The following U2AF2 variants were observed in gnomAD, a reference collection of about 807,000 sequenced individuals.
U2AF2 encodes splicing factor U2AF 65 kDa subunit.
A neutral mutation model predicts 52.6 loss-of-function variants in U2AF2; 6 were observed. That is an observed-to-expected ratio of 0.11 (90% CI 0.06 to 0.23). The LOEUF (loss-of-function observed/expected upper bound fraction) is 0.23, where lower values mean the gene tolerates loss of function less well. Among genes scored for constraint, U2AF2 ranks in the 10% least tolerant of loss-of-function variants. The probability of loss-of-function intolerance (pLI) is 1.00; values close to 1 mark genes in which losing one functional copy is unlikely to be tolerated. For synonymous variants in U2AF2, 284 were observed against 258.2 expected, an observed-to-expected ratio of 1.10 and a Z score of -0.96; for missense variants, 222 against 677.1, an observed-to-expected ratio of 0.33 and a Z score of 7.46.
intron 1 of U2AF2, among the ~76,000 whole-genome samples, chr19:55,657,221 G>A (rs926024237): frequency 1.3e-5 from 2 of 152,204 alleles, no homozygotes; most frequent in South Asian, 2.1e-4. Context: ...CTGGGTTGGC[G>A]GAGCTGCTCC....
chr19:55,663,310 A>C (rs1181203597), intron 6 of U2AF2, among the ~76,000 whole-genome samples: 1 of 151,542 alleles, frequency 6.6e-6, no homozygotes, highest in Non-Finnish European at 1.5e-5. Context: ...CGTTCAACTA[A>C]CCTTTCCCGT....
At chr19:55,658,987 TTAC>T (rs1310308013) in intron 1 of U2AF2, 4 of 561,406 alleles carry the variant, frequency 7.1e-6, no homozygotes, top group Non-Finnish European at 1.1e-5. Flanking sequence ...CTCAGGTATC[TTAC>T]ACCCCGGGGG....
chr19:55,655,568 A>G (rs762396025), intron 1 of U2AF2, among the ~76,000 whole-genome samples: 9 of 152,244 alleles, frequency 5.9e-5, no homozygotes, highest in Non-Finnish European at 1.2e-4. Context: ...GGTCGGGCCC[A>G]CGGCAGCGTC....
In U2AF2 at chr19:55,668,469, G is replaced by C; in HGVS notation, c.743-38G>C. 6.5e-7 allele frequency: 1 copy of C among 1,534,458 alleles called. No individual in the cohort carries two copies. The highest frequency in any genetic ancestry group is 8.8e-7 in the Non-Finnish European group (1 of 1,134,534). The stretch of plus-strand genomic sequence containing the variant: ...CTGTCCAGGTTTTGGGAGATAACCT[G>C]GTACTGGAATTGAAGTCCTCCTCTT... On this transcript the variant is annotated intron_variant, in intron 7 of 11. Transcript: ENST00000308924. This position sits in a 1 kb window ranked among gnomAD's most constrained non-coding sequence, Gnocchi z 5.5.
intron 1 of U2AF2, chr19:55,658,938 CCT>C (rs1983972808): frequency 2.5e-6 from 1 of 393,110 alleles, no homozygotes; most frequent in Non-Finnish European, 4.3e-6. Context: ...GAGCCAGCCT[CCT>C]CTGTCTTCTC....
intron 1 of U2AF2, among the ~76,000 whole-genome samples, chr19:55,657,941 A>G (rs959857996): frequency 2.5e-4 from 38 of 152,204 alleles, no homozygotes; most frequent in Admixed American, 1.2e-3. Context: ...AAACAAAACA[A>G]TTTAGTACAG....
At chr19:55,663,077 C>T (rs916763603) in intron 6 of U2AF2, among the ~76,000 whole-genome samples, 2 of 152,110 alleles carry the variant, frequency 1.3e-5, no homozygotes, top group African/African-American at 2.4e-5. Flanking sequence ...TGATTTTCGA[C>T]TCTTGGTGGA....
intron 6 of U2AF2, 47 bp downstream of exon 6, chr19:55,662,665 G>A (rs945497695): frequency 3.2e-6 from 5 of 1,541,202 alleles, no homozygotes. Flanking sequence ...TGTGATGTGA[G>A]GGCCCAGCCC....
At chr19:55,673,573 G>A (rs1322163642) in intron 11 of U2AF2, among the ~76,000 whole-genome samples, 1 of 152,140 alleles carries the variant, frequency 6.6e-6, no homozygotes, top group Non-Finnish European at 1.5e-5. Context: ...TGTTGGGGTG[G>A]TTCTGGGAGC....
intron 6 of U2AF2, among the ~76,000 whole-genome samples, chr19:55,663,025 T>C (rs879634791): frequency 2.6e-5 from 4 of 152,280 alleles, no homozygotes; most frequent in African/African-American, 4.8e-5. Context: ...ACTAGTCTTC[T>C]GTGTCTGTGT....
At chr19:55,656,514 CTGA>C (rs1983807069) in intron 1 of U2AF2, among the ~76,000 whole-genome samples, 1 of 152,110 alleles carries the variant, frequency 6.6e-6, no homozygotes, top group Non-Finnish European at 1.5e-5. Context: ...CATTTGTAGA[CTGA>C]TTATTATTTT....
rs1985147006 is a variant in U2AF2, at chr19:55,674,291, CAG to C, written c.*225_*226del. ...TGGGGAAGTGCGCACACAGCCCACA[CAG>C]ACAACACGCACCCACACAGACACAG... On this transcript the variant is annotated 3_prime_UTR_variant, in exon 12 of 12. Transcript: ENST00000308924. The C allele has an allele frequency of 1.9e-6, 1 of 531,268 alleles. No individual in the cohort carries two copies. Among genetic ancestry groups the C allele is most frequent in the African/African-American group, 1.9e-5 (1 of 52,018 alleles). The allele number at this position is 531,268 out of a possible 1,614,324, so 32.9% of individuals were successfully genotyped here. A position where few individuals can be genotyped will look rare whatever the true frequency, so the allele number is the denominator to read the frequency against.
At chr19:55,663,883 T>C in intron 7 of U2AF2, 139 bp downstream of exon 7, 1 of 1,276,934 alleles carries the variant, frequency 7.8e-7, no homozygotes, top group Admixed American at 2.3e-5. Flanking sequence ...CTGCTTCCCC[T>C]AAGTCTCTGT....
chr19:55,674,399 T>C lies in U2AF2; in HGVS notation c.*331T>C, dbSNP rs1985158912. 2 of 261,988 alleles carry C rather than the reference T, an allele frequency of 7.6e-6. No homozygotes were observed. The highest frequency in any genetic ancestry group is 1.5e-5 in the Non-Finnish European group (2 of 133,218). The allele number at this position is 261,988 out of a possible 1,614,324, so 16.2% of individuals were successfully genotyped here. A position where few individuals can be genotyped will look rare whatever the true frequency, so the allele number is the denominator to read the frequency against. On this transcript the variant is annotated 3_prime_UTR_variant, in exon 12 of 12. Coordinates refer to ENST00000308924, the MANE Select transcript of U2AF2 (RefSeq NM_007279.3). ...CCCCTCCCAAAACAGCCTCTCCTTCTCCCATAGACCCCTTTCTTCTCCCCT... is the reference window on the plus strand; with the variant it reads ...CCCCTCCCAAAACAGCCTCTCCTTCCCCCATAGACCCCTTTCTTCTCCCCT...
chr19:55,672,176 T>G (rs760180150), intron 11 of U2AF2: 3 of 152,022 alleles, frequency 2.0e-5, no homozygotes, highest in Admixed American at 1.3e-4. Flanking sequence ...TATTCTTAAA[T>G]TTTTTGTTAC....
chr19:55,671,226 A>G (rs967327273), intron 11 of U2AF2, among the ~76,000 whole-genome samples: 2 of 151,816 alleles, frequency 1.3e-5, no homozygotes, highest in Non-Finnish European at 2.9e-5. Context: ...GGATGGAGAG[A>G]AGTTGATGGA....
In U2AF2 at chr19:55,668,999, C is replaced by A. The variant is rs1984714613; in HGVS notation, c.946-84C>A. On this transcript the variant is annotated intron_variant, in intron 9 of 11. Transcript: ENST00000308924. The surrounding 1 kb of genome is among the most constrained non-coding windows in gnomAD (Gnocchi z 5.5). ...CCTTCCCCTCTTCCCCCACCAATGC[C>A]CCGGCTTGGGGGTAGGTGTCGGGCT... 2.6e-6 allele frequency: 4 copies of A among 1,526,716 alleles called. No individual in the cohort carries two copies. Among genetic ancestry groups the A allele is most frequent in the Non-Finnish European group, 8.9e-7 (1 of 1,124,022 alleles). 94.6% of individuals were successfully genotyped at this position (1,526,716 alleles called of 1,614,324 possible). A position where few individuals can be genotyped will look rare whatever the true frequency, so the allele number is the denominator to read the frequency against.
intron 5 of U2AF2, chr19:55,661,408 A>G (rs1274469357): frequency 7.1e-6 from 3 of 425,154 alleles, no homozygotes; most frequent in Non-Finnish European, 8.0e-6. Flanking sequence ...CCCTCCCCCC[A>G]ACCTCCTCCA....
intron 2 of U2AF2, 136 bp downstream of exon 2, chr19:55,659,481 G>A (rs1984020515): frequency 2.6e-6 from 3 of 1,175,280 alleles, no homozygotes; most frequent in Non-Finnish European, 3.3e-6. Context: ...GTGGATCTGG[G>A]GGAGGGATCT....
Sources: allele counts gnomAD v4.1 joint callset (sites outside exome capture counted in the v4.1 genomes callset), GRCh38; gene constraint gnomAD v4.1.1; non-coding constraint Gnocchi (gnomAD v3.1); transcripts MANE v1.5; gene names NCBI Gene and HGNC (gene_info 2026-07-23, HGNC 2026-07-21).